The following RFC5 variants were observed in gnomAD, a reference collection of about 807,000 sequenced individuals.
The protein encoded by RFC5 is replication factor C subunit 5, also known as A1 36 kDa subunit.
Under a neutral mutation model 44.3 loss-of-function variants are expected in RFC5, and 26 were observed. The ratio of observed to expected loss-of-function variants is 0.59; its 90% confidence interval spans 0.43 to 0.81. The LOEUF (loss-of-function observed/expected upper bound fraction) is 0.81, where lower values mean the gene tolerates loss of function less well. Among genes scored for constraint, RFC5 ranks in the 40% least tolerant of loss-of-function variants. The pLI is 0.00. For synonymous variants in RFC5, 155 were observed against 155.2 expected (o/e 1.00, Z 0.01); for missense variants, 328 against 418.6 (o/e 0.78, Z 1.89).
chr12:118,038,363 G>A, the RFC5 span: 2 of 1,614,156 alleles, frequency 1.2e-6, no homozygotes, highest in Non-Finnish European at 1.7e-6. Context: ...ACTGCAGGTG[G>A]CCCGATAACA....
At chr12:118,032,534 C>G (rs2031378285), downstream of RFC5, 1 of 152,138 alleles carries the variant, frequency 6.6e-6, no homozygotes, top group Non-Finnish European at 1.5e-5. Context: ...GTGACACGAT[C>G]GTGGCTCGCT....
At chr12:118,038,339 A>G in the RFC5 span, 1 of 1,614,176 alleles carries the variant, frequency 6.2e-7, no homozygotes, top group African/African-American at 1.3e-5. Flanking sequence ...GGGAGATGGA[A>G]CAGCAGTAAA....
chr12:118,019,602 A>G lies in RFC5; in HGVS notation c.131-30A>G. On this transcript the variant is annotated intron_variant, in intron 2 of 10. Coordinates refer to ENST00000454402, the MANE Select transcript of RFC5 (RefSeq NM_007370.7). The surrounding 1 kb of genome is among the most constrained non-coding windows in gnomAD (Gnocchi z 4.2). Reference sequence around the variant, plus strand: ...TGAATGAGGCAGCTCCCAAAGACTGATGGTGCCCTTCTTCCTTCCTGATCC... The same window carrying G: ...TGAATGAGGCAGCTCCCAAAGACTGGTGGTGCCCTTCTTCCTTCCTGATCC... 1 of 1,613,700 alleles carries G rather than the reference A, an allele frequency of 6.2e-7. No individual in the cohort carries two copies. Among genetic ancestry groups the G allele is most frequent in the Non-Finnish European group, 8.5e-7 (1 of 1,179,704 alleles).
Position 118,016,822 on chromosome 12 carries a change from C to T in RFC5, c.-6C>T. On this transcript the variant is annotated 5_prime_UTR_variant, in exon 1 of 11. Transcript: ENST00000454402. ...CAGCGGATCTGGTCACCTTCGTCTC[C>T]CCGCCATGGAGACCTCAGCACTCAA... is the stretch of plus-strand genomic sequence containing the variant. The T allele has an allele frequency of 6.2e-7, 1 of 1,611,700 alleles. No homozygotes were observed. Among genetic ancestry groups the T allele is most frequent in the South Asian group, 1.1e-5 (1 of 90,672 alleles).
At chr12:118,036,247 G>T, downstream of RFC5, 1 of 1,431,240 alleles carries the variant, frequency 7.0e-7, no homozygotes, top group East Asian at 2.3e-5. Flanking sequence ...CCCCTCCCAT[G>T]TCCCAGATTC....
rs528901386 is a variant in RFC5 at position 118,023,919 on chromosome 12, G to GA, written c.422-929dup. On this transcript the variant is annotated intron_variant, in intron 5 of 10. Coordinates refer to ENST00000454402, the MANE Select transcript of RFC5 (RefSeq NM_007370.7). ...CACGGAGGCATGTTTACCAGTTTGT[G>GA]AAAGAGGGGTGGCTAGGCAGGGCGC... Among the ~76,000 whole-genome samples, 157 of 152,272 alleles carry GA rather than the reference G, an allele frequency of 1.0e-3. 1 individual carries two copies. The Middle Eastern group carries it at 0.014, about 13-fold the overall frequency.
downstream of RFC5, chr12:118,034,459 A>G: frequency 7.1e-7 from 1 of 1,406,390 alleles, no homozygotes; most frequent in Non-Finnish European, 9.7e-7. Context: ...AGAGCAGGAG[A>G]CTTCGGAGAG....
chr12:118,039,371 TAGAG>T, the RFC5 span, among the ~76,000 whole-genome samples: 14 of 152,068 alleles, frequency 9.2e-5, no homozygotes, highest in East Asian at 1.9e-4. Context: ...CAGTTGGAAT[TAGAG>T]AGAGATTTTC....
Position 118,031,391 on chromosome 12 carries a change from C to A in RFC5, c.*113C>A. ...GTGGGATGAATCAGTCACCCCGAAT[C>A]TTGGAAAAACCCCCTTCCAGGAGAG... On this transcript the variant is annotated 3_prime_UTR_variant, in exon 11 of 11. Transcript: ENST00000454402. 1.6e-6 allele frequency: 1 copy of A among 642,372 alleles called. No homozygotes were observed. Among genetic ancestry groups the A allele is most frequent in the Non-Finnish European group, 2.7e-6 (1 of 375,336 alleles). 39.8% of individuals were successfully genotyped at this position (642,372 alleles called of 1,614,324 possible).
intron 4 of RFC5, among the ~76,000 whole-genome samples, chr12:118,021,217 T>A (rs1161596641): frequency 2.0e-5 from 3 of 151,942 alleles, no homozygotes; most frequent in Non-Finnish European, 4.4e-5. Context: ...GTTTTTTTTT[T>A]CTTTTTTTTT....
downstream of RFC5, chr12:118,034,957 AC>A (rs762916772): frequency 6.2e-7 from 1 of 1,601,072 alleles, no homozygotes; most frequent in Non-Finnish European, 8.6e-7. Flanking sequence ...AGAAAGCACC[AC>A]CCATCTGTTC....
chr12:118,025,779 T>G lies in RFC5; in HGVS notation c.614T>G (p.Leu205Arg). ...VDISEDGMKALVTLSSGDMRR... is the reference protein window; with the variant it reads ...VDISEDGMKARVTLSSGDMRR... ...ATAAGTGAAGATGGAATGAAAGCAC[T>G]AGTCACTCTTTCCAGTGGAGACATG... The change falls in exon 7 of 11, where the codon CTA becomes CGA. Residue 205 changes from leucine to arginine, a missense_variant. Physicochemically the swap from Leu to Arg is moderately radical, Grantham distance 102. Coordinates refer to ENST00000454402, the MANE Select transcript of RFC5 (RefSeq NM_007370.7). 2 of 1,610,028 alleles carry G rather than the reference T, an allele frequency of 1.2e-6. No homozygotes were observed. Among genetic ancestry groups the G allele is most frequent in the Non-Finnish European group, 1.7e-6 (2 of 1,177,546 alleles).
chr12:118,040,893 C>G, the RFC5 span, among the ~76,000 whole-genome samples: 15 of 152,274 alleles, frequency 9.9e-5, no homozygotes, highest in African/African-American at 3.6e-4. Flanking sequence ...ACTAAAAATA[C>G]AAAACATTAG....
rs1382435656 is a variant in RFC5, at chr12:118,031,259, T to C, written c.1004T>C (p.Leu335Pro). 4 of 1,612,688 alleles carry C rather than the reference T, an allele frequency of 2.5e-6. No individual in the cohort carries two copies. Among genetic ancestry groups the C allele is most frequent in the Non-Finnish European group, 2.5e-6 (3 of 1,178,892 alleles). ...GCTGCATTTCAAGTCACCAGAGACC[T>C]GATTGTTGCAGAGGCCTAGATGCTC... ...LIAAFQVTRDLIVAEA is the reference protein window; with the variant it reads ...LIAAFQVTRDPIVAEA Residue 335 changes from leucine (L) to proline (P), a missense_variant, in exon 11 of 11, where the codon CTG (leucine) becomes CCG (proline). Leu to Pro is a moderately conservative substitution (Grantham distance 98). Transcript: ENST00000454402.
chr12:118,038,264 A>G, the RFC5 span: 1 of 1,603,120 alleles, frequency 6.2e-7, no homozygotes, highest in Non-Finnish European at 8.5e-7. Context: ...TCAGTGAATT[A>G]AAGCAATAAC....
chr12:118,032,533 T>C (rs1050677893), downstream of RFC5: 3 of 152,168 alleles, frequency 2.0e-5, no homozygotes, highest in Admixed American at 2.0e-4. Flanking sequence ...CGTGACACGA[T>C]CGTGGCTCGC....
At position 118,019,028 on chromosome 12, in the gene RFC5, C is replaced by G; in HGVS notation, c.66-44C>G. ...AGGATTCTTTTGCACATAAAATATT[C>G]TTGCATTTATATATGTCATAATACA... On this transcript the variant is annotated intron_variant, in intron 1 of 10. Coordinates refer to ENST00000454402, the MANE Select transcript of RFC5 (RefSeq NM_007370.7). The surrounding 1 kb of genome is among the most constrained non-coding windows in gnomAD (Gnocchi z 4.2). 7.2e-7 allele frequency: 1 copy of G among 1,381,642 alleles called. No individual in the cohort carries two copies. The highest frequency in any genetic ancestry group is 1.4e-5 in the African/African-American group (1 of 70,468). The allele number at this position is 1,381,642 out of a possible 1,614,324, so 85.6% of individuals were successfully genotyped here.
chr12:118,035,630 G>A (rs1475260998), downstream of RFC5: 21 of 309,742 alleles, frequency 6.8e-5, no homozygotes, highest in South Asian at 8.4e-4. Context: ...TAAGATACAT[G>A]ATAATTATAG....
intron 6 of RFC5, 101 bp downstream of exon 6, chr12:118,025,111 C>T: frequency 8.7e-7 from 1 of 1,154,972 alleles, no homozygotes; most frequent in Non-Finnish European, 1.2e-6. Context: ...TGGAAAACGA[C>T]TTTGCAGAGT....
Sources: gnomAD v4.1 joint callset for allele counts (sites outside exome capture counted in the v4.1 genomes callset) on GRCh38, gnomAD v4.1.1 for gene constraint, Gnocchi (gnomAD v3.1) non-coding constraint, MANE v1.5 for transcripts, NCBI Gene and HGNC (gene_info 2026-07-23, HGNC 2026-07-21) for gene names.